NCKAP5: variants seen among roughly 807,000 people sequenced by gnomAD.
The protein encoded by NCKAP5 is NCK associated protein 5, also known as nck-associated protein 5.
Under a neutral mutation model 167.0 loss-of-function variants are expected in NCKAP5, and 92 were observed. That is an observed-to-expected ratio of 0.55 (90% CI 0.47 to 0.66). The LOEUF (loss-of-function observed/expected upper bound fraction) is 0.66. NCKAP5 is among the 30% of genes least tolerant of loss of function. NCKAP5 has a pLI of 0.00. For synonymous variants in NCKAP5, 891 were observed against 877.4 expected, an observed-to-expected ratio of 1.02 and a Z score of -0.27; for missense variants, 2,378 against 2,315.0, an observed-to-expected ratio of 1.03 and a Z score of -0.56.
At chr2:133,305,668 G>A (rs1250623126) in intron 3 of NCKAP5, among the ~76,000 whole-genome samples, 1 of 152,150 alleles carries the variant, frequency 6.6e-6, no homozygotes, top group Admixed American at 6.6e-5. Context: ...GTTGTCACTG[G>A]CTTGTGATTT....
chr2:133,343,174 T>C (rs1683711330), intron 3 of NCKAP5, among the ~76,000 whole-genome samples: 1 of 152,204 alleles, frequency 6.6e-6, no homozygotes, highest in African/African-American at 2.4e-5. Flanking sequence ...TAGGCAGTGC[T>C]CATAAGGGAC....
chr2:133,601,167 C>T, the NCKAP5 span, among the ~76,000 whole-genome samples: 1 of 152,170 alleles, frequency 6.6e-6, no homozygotes, highest in African/African-American at 2.4e-5. Flanking sequence ...GGCTAAACGA[C>T]CTGAGCTGTA....
intron 3 of NCKAP5, among the ~76,000 whole-genome samples, chr2:133,503,133 T>A (rs896701470): frequency 1.3e-5 from 2 of 152,352 alleles, no homozygotes; most frequent in Middle Eastern, 3.4e-3. Context: ...TACTTGGTAG[T>A]AAACCCAGTC....
At chr2:132,977,953 T>A (rs2077024440) in intron 7 of NCKAP5, among the ~76,000 whole-genome samples, 1 of 152,136 alleles carries the variant, frequency 6.6e-6, no homozygotes, top group Non-Finnish European at 1.5e-5. Context: ...TGTCACATAG[T>A]GGGATGTACA....
Position 133,004,021 on chromosome 2 carries a change from A to G in NCKAP5, c.342-9782T>C, listed in dbSNP as rs574870808. On this transcript the variant is annotated intron_variant, in intron 6 of 19. Transcript: ENST00000409261. ...CATGGAGTAGAAGGAACTCCCCTGA[A>G]TGTTAGCAAACAAATCTCAAGTGTT... 4.6e-5 allele frequency among the ~76,000 whole-genome samples: 7 copies of G among 152,318 alleles called. No individual in the cohort carries two copies. In the South Asian group the frequency reaches 1.5e-3, roughly 32 times the overall value.
intron 5 of NCKAP5, among the ~76,000 whole-genome samples, chr2:133,154,615 C>T (rs985825280): frequency 3.3e-5 from 5 of 152,178 alleles, no homozygotes; most frequent in Admixed American, 6.5e-5. Context: ...ATCACTTGCT[C>T]ATTAGACACA....
chr2:132,937,952 T>A (rs1249674570), intron 8 of NCKAP5, among the ~76,000 whole-genome samples: 3 of 152,230 alleles, frequency 2.0e-5, no homozygotes, highest in Non-Finnish European at 4.4e-5. Flanking sequence ...ATATAAAGGG[T>A]GGACCCTCTG....
At chr2:133,102,404 C>A (rs902136664) in intron 6 of NCKAP5, among the ~76,000 whole-genome samples, 1 of 152,152 alleles carries the variant, frequency 6.6e-6, no homozygotes, top group African/African-American at 2.4e-5. Context: ...GACTCAGCCT[C>A]CCCAAGTGCT....
chr2:133,453,365 A>C (rs1345901562), intron 3 of NCKAP5, among the ~76,000 whole-genome samples: 1 of 152,156 alleles, frequency 6.6e-6, no homozygotes, highest in Non-Finnish European at 1.5e-5. Context: ...AACTGCAATA[A>C]TTCCAATTGA....
intron 3 of NCKAP5, among the ~76,000 whole-genome samples, chr2:133,436,406 T>G (rs1690482760): frequency 6.6e-6 from 1 of 152,212 alleles, no homozygotes; most frequent in Non-Finnish European, 1.5e-5. Context: ...GGCTCTAGTT[T>G]TTTTGCACCT....
chr2:133,543,591 C>G (rs929755825), intron 2 of NCKAP5, among the ~76,000 whole-genome samples: 3 of 152,166 alleles, frequency 2.0e-5, no homozygotes, highest in Non-Finnish European at 2.9e-5. Flanking sequence ...TTCATCAGCA[C>G]CAAAACCTCT....
At chr2:133,062,332 G>C (rs2080036833) in intron 6 of NCKAP5, among the ~76,000 whole-genome samples, 1 of 152,176 alleles carries the variant, frequency 6.6e-6, no homozygotes, top group Admixed American at 6.5e-5. Flanking sequence ...TCTCCTGTTA[G>C]ATAAGAGATG....
At chr2:132,864,422 T>C (rs1052710517) in intron 10 of NCKAP5, among the ~76,000 whole-genome samples, 2 of 152,062 alleles carry the variant, frequency 1.3e-5, no homozygotes, top group African/African-American at 4.8e-5. Flanking sequence ...GCACTCTTCA[T>C]GTTACTATCA....
At chr2:133,300,530 CAT>C (rs1680312476) in intron 4 of NCKAP5, among the ~76,000 whole-genome samples, 1 of 130,926 alleles carries the variant, frequency 7.6e-6, no homozygotes, top group Admixed American at 7.5e-5. Context: ...ACAAAAACCA[CAT>C]GATTATCTCA....
chr2:133,115,822 T>A (rs1310871059), intron 6 of NCKAP5, among the ~76,000 whole-genome samples: 16 of 122,942 alleles, frequency 1.3e-4, no homozygotes, highest in East Asian at 2.4e-4. Flanking sequence ...TATATAGTGT[T>A]CACACACACA....
chr2:133,635,520 T>G, the NCKAP5 span, among the ~76,000 whole-genome samples: 1 of 152,152 alleles, frequency 6.6e-6, no homozygotes, highest in Non-Finnish European at 1.5e-5. Flanking sequence ...TTAAGGAAAA[T>G]ATTCTTCCAA....
chr2:133,067,161 G>A (rs560435983), intron 6 of NCKAP5, among the ~76,000 whole-genome samples: 31 of 152,150 alleles, frequency 2.0e-4, no homozygotes, highest in Non-Finnish European at 3.1e-4. Flanking sequence ...CACCGTGCCC[G>A]GCCCTGAGTG....
At chr2:132,958,148 C>G (rs2076397301) in intron 8 of NCKAP5, among the ~76,000 whole-genome samples, 1 of 152,170 alleles carries the variant, frequency 6.6e-6, no homozygotes, top group Non-Finnish European at 1.5e-5. Flanking sequence ...CCATAACCCA[C>G]AGGGTTACGA....
At chr2:132,946,034 C>T (rs1488489819) in intron 8 of NCKAP5, among the ~76,000 whole-genome samples, 4 of 152,184 alleles carry the variant, frequency 2.6e-5, no homozygotes, top group Admixed American at 2.0e-4. Flanking sequence ...TGATATTTAT[C>T]ACAAGAGATT....
Sources: gnomAD v4.1 joint callset for allele counts (sites outside exome capture counted in the v4.1 genomes callset) on GRCh38, gnomAD v4.1.1 for gene constraint, MANE v1.5 for transcripts, NCBI Gene and HGNC (gene_info 2026-07-23, HGNC 2026-07-21) for gene names.